ACAN: variants seen among roughly 807,000 people sequenced by gnomAD.
ACAN encodes aggrecan core protein.
A neutral mutation model predicts 169.1 loss-of-function variants in ACAN; 47 were observed. That is an observed-to-expected ratio of 0.28 (90% CI 0.22 to 0.35). ACAN has a LOEUF of 0.35. Ranked by LOEUF, ACAN falls within the 10% of genes least tolerant of loss-of-function variation. ACAN has a pLI of 1.00. For synonymous variants in ACAN, 1,115 were observed against 1,112.2 expected (o/e 1.00, Z -0.05); for missense variants, 2,716 against 2,759.9 (o/e 0.98, Z 0.36).
rs1380282111 is a variant in ACAN at position 88,866,900 on chromosome 15, A to T, written c.6947-1316A>T. Among the ~76,000 whole-genome samples, 1 of 152,152 alleles carries T rather than the reference A, an allele frequency of 6.6e-6. No individual in the cohort carries two copies. The highest frequency in any genetic ancestry group is 1.5e-5 in the Non-Finnish European group (1 of 68,014). ...GCTGTCCTGCAGAGCCCACCTACAG[A>T]CATGTCACTGGATCTGGAAGGCTGT... On this transcript the variant is annotated intron_variant, in intron 13 of 18. Transcript: ENST00000560601. The surrounding 1 kb of genome is among the most constrained non-coding windows in gnomAD (Gnocchi z 5.6).
chr15:88,854,511 G>T (rs955735301), intron 11 of ACAN, among the ~76,000 whole-genome samples: 2 of 152,188 alleles, frequency 1.3e-5, no homozygotes, highest in African/African-American at 4.8e-5. Context: ...ACATCCAGTG[G>T]GTTGTGTGGA....
chr15:88,831,460 C>A (rs951594558), intron 1 of ACAN, among the ~76,000 whole-genome samples: 17 of 152,246 alleles, frequency 1.1e-4, no homozygotes, highest in Non-Finnish European at 2.4e-4. Flanking sequence ...CAGCCCTCCG[C>A]CCCCCAAGGC....
chr15:88,845,147 G>C (rs1029257647), intron 6 of ACAN, among the ~76,000 whole-genome samples: 10 of 152,218 alleles, frequency 6.6e-5, no homozygotes, highest in Non-Finnish European at 1.2e-4. Context: ...CTGTTGGATA[G>C]TTACAGCATC....
At chr15:88,845,985 C>A in intron 7 of ACAN, 103 bp downstream of exon 7, 2 of 1,260,088 alleles carry the variant, frequency 1.6e-6, no homozygotes, top group Non-Finnish European at 2.1e-6. Context: ...CTTAACCTGG[C>A]ACGTGGGACA....
At position 88,871,222 on chromosome 15, in the gene ACAN, A is replaced by G. The variant is rs1369060292; in HGVS notation, c.7061-160A>G. 6.6e-6 allele frequency among the ~76,000 whole-genome samples: 1 copy of G among 152,154 alleles called. No individual in the cohort carries two copies. Among genetic ancestry groups the G allele is most frequent in the Admixed American group, 6.5e-5 (1 of 15,278 alleles). On this transcript the variant is annotated intron_variant, in intron 14 of 18. Transcript: ENST00000560601. The surrounding 1 kb of genome is among the most constrained non-coding windows in gnomAD (Gnocchi z 7.8). The stretch of plus-strand genomic sequence containing the variant: ...TGCAGAGGCTCCCAGGGACCAGACC[A>G]GTTTCCAACCTGAACTCCTCCAGCT...
chr15:88,841,528 G>A (rs1040396535), intron 4 of ACAN, among the ~76,000 whole-genome samples: 1 of 152,170 alleles, frequency 6.6e-6, no homozygotes, highest in Non-Finnish European at 1.5e-5. Context: ...TAGAGAAAGT[G>A]TGTTTTGTAC....
intron 1 of ACAN, among the ~76,000 whole-genome samples, chr15:88,815,656 TAAAAA>T (rs58267198): frequency 1.3e-4 from 7 of 54,182 alleles, no homozygotes; most frequent in African/African-American, 3.5e-4. Flanking sequence ...CTGCACTGAT[TAAAAA>T]AAAAAAAAAA....
chr15:88,874,750 C>T lies in ACAN; in HGVS notation c.*269C>T, dbSNP rs989799951. The T allele has an allele frequency of 1.7e-5, 9 of 516,014 alleles. No homozygotes were observed. Among genetic ancestry groups the T allele is most frequent in the African/African-American group, 1.7e-4 (9 of 52,066 alleles). The allele number at this position is 516,014 out of a possible 1,614,324, so 32.0% of individuals were successfully genotyped here. ...GTTTAGAGACATTTCTTCAATTTCC[C>T]ATCGTGCCTTTCCAGGGACCAGTGC... On this transcript the variant is annotated 3_prime_UTR_variant, in exon 19 of 19. Coordinates refer to ENST00000560601, the MANE Select transcript of ACAN (RefSeq NM_001369268.1). The surrounding 1 kb of genome is among the most constrained non-coding windows in gnomAD (Gnocchi z 7.3).
In ACAN at chr15:88,845,901, G is replaced by T; in HGVS notation, c.1429+19G>T. On this transcript the variant is annotated intron_variant, in intron 7 of 18. Transcript: ENST00000560601. ...CCAGGGGGTAAGTAGCTGCCCGTGG[G>T]TGCATCCAGGGGCAGGTGGAGAGAA... 6.9e-7 allele frequency: 1 copy of T among 1,444,412 alleles called. No homozygotes were observed. 89.5% of individuals were successfully genotyped at this position (1,444,412 alleles called of 1,614,324 possible).
At chr15:88,836,071 C>T in intron 1 of ACAN, 129 bp from the exon 2 acceptor site, 2 of 648,384 alleles carry the variant, frequency 3.1e-6, no homozygotes, top group South Asian at 2.0e-5. Flanking sequence ...CACGTGCAGC[C>T]TCCTTCTCTG....
chr15:88,847,364 C>G lies in ACAN; in HGVS notation c.1551C>G (p.Tyr517Ter). 6.3e-7 allele frequency: 1 copy of G among 1,592,670 alleles called. No individual in the cohort carries two copies. Among genetic ancestry groups the G allele is most frequent in the Non-Finnish European group, 8.5e-7 (1 of 1,170,460 alleles). ...IASPEQLQAA[Y>*]EAGYEQCDAG... Reference sequence around the variant, plus strand: ...CGCCGGAGCAGCTCCAGGCCGCCTACGAAGCAGGCTATGAGCAGTGTGACG... The same window carrying G: ...CGCCGGAGCAGCTCCAGGCCGCCTAGGAAGCAGGCTATGAGCAGTGTGACG... Residue 517 changes from tyrosine to a stop codon, truncating the protein, a stop_gained, in exon 8 of 19, where the codon TAC becomes TAG. Coordinates refer to ENST00000560601, the MANE Select transcript of ACAN (RefSeq NM_001369268.1). LOFTEE classifies it high-confidence loss of function.
chr15:88,868,109 C>A lies in ACAN; in HGVS notation c.6947-107C>A. ...TCAGGAAAACCAGCCAGTTCCCTCCCAGGGGTCTGGAGAGCAGCAGGACTG... is the reference window on the plus strand; with the variant it reads ...TCAGGAAAACCAGCCAGTTCCCTCCAAGGGGTCTGGAGAGCAGCAGGACTG... On this transcript the variant is annotated intron_variant, in intron 13 of 18. Coordinates refer to ENST00000560601, the MANE Select transcript of ACAN (RefSeq NM_001369268.1). The surrounding 1 kb of genome is among the most constrained non-coding windows in gnomAD (Gnocchi z 5.2). 4.8e-6 allele frequency: 3 copies of A among 627,436 alleles called. No individual in the cohort carries two copies. The highest frequency in any genetic ancestry group is 1.9e-5 in the South Asian group (1 of 53,664). 38.9% of individuals were successfully genotyped at this position (627,436 alleles called of 1,614,324 possible).
At position 88,803,472 on chromosome 15, in the gene ACAN, C is replaced by G. The variant is rs896957497; in HGVS notation, c.-345C>G. 3 of 131,252 alleles carry G rather than the reference C, an allele frequency of 2.3e-5. No individual in the cohort carries two copies. The highest frequency in any genetic ancestry group is 4.8e-5 in the Non-Finnish European group (3 of 62,710). The allele number at this position is 131,252 out of a possible 1,614,324, so 8.1% of individuals were successfully genotyped here. ...TACCTCCCCGCCGCTCCAGAGGGGG[C>G]TCGCAGAGCTGAGGACGCGCGCAGC... On this transcript the variant is annotated 5_prime_UTR_variant, in exon 1 of 19. Coordinates refer to ENST00000560601, the MANE Select transcript of ACAN (RefSeq NM_001369268.1).
chr15:88,854,717 C>A, intron 11 of ACAN, 135 bp from the exon 12 acceptor site: 2 of 925,004 alleles, frequency 2.2e-6, no homozygotes, highest in Non-Finnish European at 2.9e-6. Context: ...CATTAGAAAG[C>A]ATTTGGACAC....
rs369870175 is a variant in ACAN, at chr15:88,843,417, C to T, written c.820C>T (p.Arg274Trp). The T allele has an allele frequency of 1.9e-4, 308 of 1,604,432 alleles. 3 individuals are homozygous for T. The highest frequency in any genetic ancestry group is 1.6e-3 in the South Asian group (147 of 90,634). Reference protein sequence around the residue: ...FTFQEAANECRRLGARLATTG... With the variant: ...FTFQEAANECWRLGARLATTG... ...CTTCCAGGAAGCAGCCAATGAGTGC[C>T]GGCGGCTGGGTGCCCGGCTGGCCAC... is the stretch of plus-strand genomic sequence containing the variant. Residue 274 changes from arginine to tryptophan, a missense_variant, in exon 6 of 19, where the codon CGG becomes TGG. Arg to Trp is a moderately radical substitution (Grantham distance 101). Transcript: ENST00000560601. The surrounding 1 kb of genome is among the most constrained non-coding windows in gnomAD (Gnocchi z 4.0).
In ACAN at chr15:88,838,822, G is replaced by A. The variant is rs199701329; in HGVS notation, c.230G>A (p.Arg77His). 2,167 of 1,614,026 alleles carry A rather than the reference G, an allele frequency of 1.3e-3. 1 individual carries two copies. Among genetic ancestry groups the A allele is most frequent in the Non-Finnish European group, 1.4e-3 (1,642 of 1,179,892 alleles). ...APLAPRIKWS[R>H]VSKEKEVVLL... is the part of the protein sequence containing the mutation. ...CTGGCCCCAAGAATCAAGTGGAGCC[G>A]TGTGTCCAAGGAGAAGGAGGTAGTG... The change falls in exon 3 of 19, where the codon CGT (arginine) becomes CAT (histidine). Residue 77 changes from arginine to histidine, a missense_variant. Arg to His is a conservative substitution (Grantham distance 29). Transcript: ENST00000560601. This position sits in a 1 kb window ranked among gnomAD's most constrained non-coding sequence, Gnocchi z 5.1.
chr15:88,836,311 G>A (rs769950308), intron 2 of ACAN, 35 bp downstream of exon 2: 1 of 1,549,386 alleles, frequency 6.5e-7, no homozygotes, highest in South Asian at 1.1e-5. Flanking sequence ...CACGTATTCA[G>A]TAGGCATGAG....
Position 88,871,276 on chromosome 15 carries a change from C to A in ACAN, c.7061-106C>A. On this transcript the variant is annotated intron_variant, in intron 14 of 18. Coordinates refer to ENST00000560601, the MANE Select transcript of ACAN (RefSeq NM_001369268.1). The surrounding 1 kb of genome is among the most constrained non-coding windows in gnomAD (Gnocchi z 7.8). ...CCTCTCCCTTCCCTTGAGGGCACAG[C>A]ATGGAAGGTGGGGTGAACGCAGGAA... The A allele has an allele frequency of 6.7e-7, 1 of 1,483,556 alleles. No homozygotes were observed. Among genetic ancestry groups the A allele is most frequent in the Non-Finnish European group, 9.2e-7 (1 of 1,090,232 alleles). 91.9% of individuals were successfully genotyped at this position (1,483,556 alleles called of 1,614,324 possible). A position where few individuals can be genotyped will look rare whatever the true frequency, so the allele number is the denominator to read the frequency against.
intron 1 of ACAN, among the ~76,000 whole-genome samples, chr15:88,822,247 C>A (rs1896095012): frequency 6.6e-6 from 1 of 152,246 alleles, no homozygotes; most frequent in Non-Finnish European, 1.5e-5. Flanking sequence ...TCTTATTAGA[C>A]AGGACATTCC....
Sources: gnomAD v4.1 joint callset for allele counts (sites outside exome capture counted in the v4.1 genomes callset) on GRCh38, gnomAD v4.1.1 for gene constraint, Gnocchi (gnomAD v3.1) non-coding constraint, MANE v1.5 for transcripts, NCBI Gene and HGNC (gene_info 2026-07-23, HGNC 2026-07-21) for gene names.